SLC25A29: variants seen among roughly 807,000 people sequenced by gnomAD.
SLC25A29 encodes the protein solute carrier family 25 member 29.
Under a neutral mutation model 10.0 loss-of-function variants are expected in SLC25A29, and 13 were observed. The ratio of observed to expected loss-of-function variants is 1.30; its 90% CI spans 0.85 to 2.07. The LOEUF (loss-of-function observed/expected upper bound fraction) is 2.07. Ranked by LOEUF, SLC25A29 falls within the 30% of genes most tolerant of loss-of-function variation. The pLI is 0.00. For missense variants in SLC25A29, 475 were observed against 447.6 expected (o/e 1.06, Z -0.55); for synonymous variants, 244 against 221.1 (o/e 1.10, Z -0.92).
chr14:100,280,469 A>G, the SLC25A29 span: 3 of 152,114 alleles, frequency 2.0e-5, no homozygotes, highest in Non-Finnish European at 4.4e-5. Flanking sequence ...GAGGGGGAGC[A>G]TACTATTTGT....
chr14:100,295,644 G>C (rs1243431666), intron 2 of SLC25A29: 1 of 1,289,362 alleles, frequency 7.8e-7, no homozygotes, highest in Non-Finnish European at 1.0e-6. Flanking sequence ...TCCAGGGTGA[G>C]GCTTACGCCC....
the SLC25A29 span, chr14:100,282,869 G>T: frequency 6.6e-6 from 1 of 152,220 alleles, no homozygotes; most frequent in Non-Finnish European, 1.5e-5. Flanking sequence ...ACCAGGCCAT[G>T]AGCCCTTCCT....
downstream of SLC25A29, among the ~76,000 whole-genome samples, chr14:100,286,895 G>GTC (rs1566787824): frequency 6.6e-6 from 1 of 152,046 alleles, no homozygotes; most frequent in East Asian, 1.9e-4. Context: ...ACTGGCTCCT[G>GTC]GCGCTGGCTT....
chr14:100,295,056 T>C (rs1209394704), intron 2 of SLC25A29: 1 of 154,900 alleles, frequency 6.5e-6, no homozygotes, highest in East Asian at 1.9e-4. Context: ...CCTTCCCAGG[T>C]TGGATACTCA....
intron 2 of SLC25A29, among the ~76,000 whole-genome samples, chr14:100,297,361 A>C (rs1892238112): frequency 6.6e-6 from 1 of 152,148 alleles, no homozygotes; most frequent in Admixed American, 6.5e-5. Context: ...ACCAGAACGA[A>C]AGTGCTCCCA....
At position 100,301,375 on chromosome 14, in the gene SLC25A29, A is replaced by G. The variant is rs369285401; in HGVS notation, c.35-2490T>C. On this transcript the variant is annotated intron_variant, in intron 1 of 3. Transcript: ENST00000359232. The stretch of plus-strand genomic sequence containing the variant: ...GAGAAGGGGTTTCGCCATGTTGGCC[A>G]GGCTGGTCTAAAACTCATGACCTCA... Among the ~76,000 whole-genome samples the G allele has an allele frequency of 4.4e-4, 67 of 151,512 alleles. 1 individual carries two copies. Among genetic ancestry groups the G allele is most frequent in the African/African-American group, 1.6e-3 (66 of 41,238 alleles).
chr14:100,295,276 G>A, intron 2 of SLC25A29: 1 of 228,412 alleles, frequency 4.4e-6, no homozygotes, highest in Non-Finnish European at 8.9e-6. Context: ...GTGGCCCAGT[G>A]TCCCAAGTCT....
intron 2 of SLC25A29, chr14:100,294,714 C>T (rs1167871385): frequency 6.6e-6 from 1 of 152,206 alleles, no homozygotes; most frequent in Non-Finnish European, 1.5e-5. Flanking sequence ...AACAGCCAGG[C>T]TTCTGCCCGG....
At chr14:100,299,019 G>A in intron 1 of SLC25A29, 134 bp from the exon 2 acceptor site, 1 of 1,470,566 alleles carries the variant, frequency 6.8e-7, no homozygotes, top group Admixed American at 2.4e-5. Context: ...AAGCACCTGT[G>A]GGTGCAGCAG....
rs973408597 is a variant in SLC25A29, at chr14:100,292,979, G to A, written c.216C>T (p.Ile72=). 2.5e-6 allele frequency: 4 copies of A among 1,596,356 alleles called. No individual in the cohort carries two copies. The highest frequency in any genetic ancestry group is 2.3e-5 in the East Asian group (1 of 44,406). ...CCTGCACCCCGAACACCAGCGCGTTGATGAAGGTGAGCCCCATGAGCGGCG... is the reference window on the plus strand; with the variant it reads ...CCTGCACCCCGAACACCAGCGCGTTAATGAAGGTGAGCCCCATGAGCGGCG... ...LGSPLMGLTF[I]NALVFGVQGN... Residue 72 remains isoleucine (I), a synonymous_variant, in exon 4 of 4, where the codon ATC becomes ATT. Coordinates refer to ENST00000359232, the MANE Select transcript of SLC25A29 (RefSeq NM_001039355.3).
chr14:100,278,692 C>G, the SLC25A29 span: 2 of 152,230 alleles, frequency 1.3e-5, no homozygotes, highest in African/African-American at 4.8e-5. Flanking sequence ...ACAGGCATCC[C>G]GAGTTCAGGA....
At chr14:100,298,543 CTGTT>C in intron 2 of SLC25A29, 1 of 497,408 alleles carries the variant, frequency 2.0e-6, no homozygotes, top group Non-Finnish European at 3.6e-6. Context: ...TTTCAAGGAA[CTGTT>C]TGGGAGAGTT....
intron 2 of SLC25A29, chr14:100,295,947 G>T (rs1448220924): frequency 7.8e-7 from 1 of 1,289,736 alleles, no homozygotes; most frequent in Non-Finnish European, 1.0e-6. Flanking sequence ...GTGGTTCTGG[G>T]CGCTATAGAG....
intron 1 of SLC25A29, among the ~76,000 whole-genome samples, chr14:100,303,601 G>A (rs2281892): frequency 0.25 from 37,581 of 152,204 alleles, 4,993 homozygotes; most frequent in South Asian, 0.37. Flanking sequence ...CCATCCTCAG[G>A]AACAGTGTGG....
downstream of SLC25A29, among the ~76,000 whole-genome samples, chr14:100,288,290 G>A (rs1178612376): frequency 2.8e-5 from 4 of 143,314 alleles, no homozygotes; most frequent in African/African-American, 1.0e-4. Context: ...GCTGAGGCAG[G>A]AGAATCACTT....
chr14:100,293,066 C>A (rs373199492), intron 3 of SLC25A29, 34 bp from the exon 4 acceptor site: 1 of 1,496,200 alleles, frequency 6.7e-7, no homozygotes, highest in Admixed American at 2.2e-5. Context: ...GAGCCGGCAA[C>A]GCGCACCTCC....
chr14:100,292,232 A>T lies in SLC25A29; in HGVS notation c.*51T>A. 6.6e-7 allele frequency: 1 copy of T among 1,525,444 alleles called. No individual in the cohort carries two copies. Among genetic ancestry groups the T allele is most frequent in the East Asian group, 2.5e-5 (1 of 39,684 alleles). The allele number at this position is 1,525,444 out of a possible 1,614,324, so 94.5% of individuals were successfully genotyped here. A position where few individuals can be genotyped will look rare whatever the true frequency, so the allele number is the denominator to read the frequency against. ...GGGCAATCGACTCAGGGGCCAATTT[A>T]TGTCCCAGGTTTCTGAGAAGGAGCC... is the stretch of plus-strand genomic sequence containing the variant. On this transcript the variant is annotated 3_prime_UTR_variant, in exon 4 of 4. Coordinates refer to ENST00000359232, the MANE Select transcript of SLC25A29 (RefSeq NM_001039355.3).
downstream of SLC25A29, among the ~76,000 whole-genome samples, chr14:100,286,440 G>A (rs1353996444): frequency 6.8e-6 from 1 of 147,484 alleles, no homozygotes; most frequent in African/African-American, 2.5e-5. Flanking sequence ...TACAGCTGGC[G>A]TGGTGTTGGC....
At position 100,292,031 on chromosome 14, in the gene SLC25A29, G is replaced by A. The variant is rs537697607; in HGVS notation, c.*252C>T. Reference sequence around the variant, plus strand: ...GCCTCAGCCAGGCCAGGTGCTGGCTGCTGCTGGGAATAATCTCTGAGCTTC... The same window carrying A: ...GCCTCAGCCAGGCCAGGTGCTGGCTACTGCTGGGAATAATCTCTGAGCTTC... On this transcript the variant is annotated 3_prime_UTR_variant, in exon 4 of 4. Transcript: ENST00000359232. The A allele has an allele frequency of 1.9e-6, 1 of 517,212 alleles. No individual in the cohort carries two copies. The highest frequency in any genetic ancestry group is 2.1e-5 in the South Asian group (1 of 46,914). 32.0% of individuals were successfully genotyped at this position (517,212 alleles called of 1,614,324 possible).
Sources: gnomAD v4.1 joint callset for allele counts (sites outside exome capture counted in the v4.1 genomes callset) on GRCh38, gnomAD v4.1.1 for gene constraint, MANE v1.5 for transcripts, NCBI Gene and HGNC (gene_info 2026-07-23, HGNC 2026-07-21) for gene names.